COL19A1: variants seen among roughly 807,000 people sequenced by gnomAD.
The protein encoded by COL19A1 is collagen type XIX alpha 1 chain, also known as collagen alpha-1(XIX) chain.
Under a neutral mutation model 190.2 loss-of-function variants are expected in COL19A1, and 159 were observed. That is an observed-to-expected ratio of 0.84 (90% CI 0.73 to 0.95). The LOEUF is 0.95. COL19A1 is among the 40% of genes least tolerant of loss of function. The pLI, the probability that COL19A1 is intolerant of heterozygous loss-of-function variation, is 0.00. For synonymous variants in COL19A1, 509 were observed against 458.9 expected (o/e 1.11, Z -1.39); for missense variants, 1,418 against 1,431.9 (o/e 0.99, Z 0.16).
intron 1 of COL19A1, among the ~76,000 whole-genome samples, chr6:69,873,891 C>T (rs1767980911): frequency 6.6e-6 from 1 of 152,174 alleles, no homozygotes; most frequent in Admixed American, 6.5e-5. Flanking sequence ...ACCTCAGGAT[C>T]CACATATATT....
At chr6:70,077,946 G>A (rs934908202) in intron 15 of COL19A1, among the ~76,000 whole-genome samples, 3 of 152,134 alleles carry the variant, frequency 2.0e-5, no homozygotes, top group African/African-American at 7.2e-5. Flanking sequence ...ATTGAAGGCC[G>A]TTGCTTCACA....
At chr6:69,969,408 AT>A (rs767633502) in intron 11 of COL19A1, among the ~76,000 whole-genome samples, 13 of 151,500 alleles carry the variant, frequency 8.6e-5, no homozygotes, top group African/African-American at 2.4e-4. Flanking sequence ...TAGCTCAGTG[AT>A]TTTTTTTTGT....
intron 2 of COL19A1, among the ~76,000 whole-genome samples, chr6:69,886,404 T>G (rs1261523406): frequency 6.6e-6 from 1 of 152,142 alleles, no homozygotes; most frequent in Non-Finnish European, 1.5e-5. Context: ...GTATAGCCAT[T>G]ATGGAAAACA....
chr6:70,110,625 C>T (rs1460164613), intron 16 of COL19A1, among the ~76,000 whole-genome samples: 2 of 152,128 alleles, frequency 1.3e-5, no homozygotes, highest in Non-Finnish European at 2.9e-5. Flanking sequence ...AATACATAGA[C>T]ATGCATGTGA....
At chr6:69,931,078 T>C (rs1772731312) in intron 6 of COL19A1, among the ~76,000 whole-genome samples, 1 of 152,222 alleles carries the variant, frequency 6.6e-6, no homozygotes, top group East Asian at 1.9e-4. Context: ...GGATTAATTT[T>C]TCATCATCTC....
chr6:70,150,179 ATTTTGTCGAGTG>A, intron 30 of COL19A1, 134 bp downstream of exon 30: 1 of 912,430 alleles, frequency 1.1e-6, no homozygotes, highest in Non-Finnish European at 1.7e-6. Context: ...TATCCCCATT[ATTTTGTCGAGTG>A]AAAAAAAATT....
At chr6:69,919,974 A>G (rs535806455) in intron 4 of COL19A1, among the ~76,000 whole-genome samples, 3 of 152,202 alleles carry the variant, frequency 2.0e-5, no homozygotes, top group African/African-American at 7.2e-5. Context: ...ATTCTCCCTC[A>G]TCTCTGTCCT....
intron 11 of COL19A1, among the ~76,000 whole-genome samples, chr6:69,986,382 G>A (rs1435184929): frequency 6.6e-6 from 1 of 151,850 alleles, no homozygotes; most frequent in African/African-American, 2.4e-5. Context: ...GAAGCATTGG[G>A]TATAAATTAT....
intron 9 of COL19A1, among the ~76,000 whole-genome samples, chr6:69,945,758 C>T (rs914456486): frequency 3.9e-5 from 6 of 151,930 alleles, no homozygotes; most frequent in African/African-American, 1.4e-4. Flanking sequence ...TGTGGGTCTT[C>T]ATCTGAAATT....
At chr6:69,892,408 A>G (rs569702343) in intron 2 of COL19A1, among the ~76,000 whole-genome samples, 1 of 152,384 alleles carries the variant, frequency 6.6e-6, no homozygotes, top group Non-Finnish European at 1.5e-5. Context: ...GTTTTGAAAC[A>G]TGATTTCTCT....
At chr6:70,043,193 CTTTT>C (rs548148887) in intron 14 of COL19A1, among the ~76,000 whole-genome samples, 2 of 145,316 alleles carry the variant, frequency 1.4e-5, no homozygotes, top group Admixed American at 6.9e-5. Context: ...ATTTCTTCTT[CTTTT>C]TTTTTTTTTT....
chr6:69,980,648 C>A (rs148458220), intron 11 of COL19A1, among the ~76,000 whole-genome samples: 2 of 152,102 alleles, frequency 1.3e-5, no homozygotes, highest in African/African-American at 2.4e-5. Flanking sequence ...AACATTTGTA[C>A]GTTCCAAAGA....
At chr6:70,131,661 AG>A (rs1785531327) in intron 18 of COL19A1, among the ~76,000 whole-genome samples, 1 of 151,954 alleles carries the variant, frequency 6.6e-6, no homozygotes, top group African/African-American at 2.4e-5. Context: ...GGACATATGC[AG>A]GCTAAGGGGA....
At chr6:70,101,789 C>T (rs893036569) in intron 15 of COL19A1, among the ~76,000 whole-genome samples, 3 of 152,076 alleles carry the variant, frequency 2.0e-5, no homozygotes, top group Non-Finnish European at 4.4e-5. Context: ...AATTCAGACC[C>T]CTCTTGGACA....
At chr6:70,003,274 A>C (rs955219267) in intron 11 of COL19A1, among the ~76,000 whole-genome samples, 8 of 152,146 alleles carry the variant, frequency 5.3e-5, no homozygotes, top group African/African-American at 1.9e-4. Context: ...TTTGCTGAGG[A>C]GTGTTTTACT....
Position 70,202,929 on chromosome 6 carries a change from G to A in COL19A1, c.3223+3193G>A, listed in dbSNP as rs9454999. Among the ~76,000 whole-genome samples, 1,229 of 152,198 alleles carry A rather than the reference G, an allele frequency of 8.1e-3. 20 individuals carry two copies. Among genetic ancestry groups the A allele is most frequent in the African/African-American group, 0.027 (1,136 of 41,506 alleles). On this transcript the variant is annotated intron_variant, in intron 49 of 50. Transcript: ENST00000620364. ...GCCGTCCCATGGGGTTCTGAGTATT[G>A]GCTTCCTGCTGTGCCTTGAGAGAAC...
intron 8 of COL19A1, 133 bp downstream of exon 8, chr6:69,937,043 G>GTATTTAC: frequency 7.8e-7 from 1 of 1,288,610 alleles, no homozygotes; most frequent in Non-Finnish European, 1.1e-6. Flanking sequence ...AGTTACTGGG[G>GTATTTAC]TGGGTTAAGA....
intron 15 of COL19A1, among the ~76,000 whole-genome samples, chr6:70,088,121 G>A (rs547276769): frequency 5.9e-5 from 9 of 152,072 alleles, no homozygotes; most frequent in Non-Finnish European, 7.4e-5. Context: ...AGTTCATTCC[G>A]TGGCAGCTAC....
At chr6:69,944,706 G>A (rs998093370) in intron 9 of COL19A1, among the ~76,000 whole-genome samples, 1 of 151,898 alleles carries the variant, frequency 6.6e-6, no homozygotes, top group African/African-American at 2.4e-5. Context: ...TACTATGATG[G>A]TTTATTAATA....
Sources: allele counts gnomAD v4.1 joint callset (sites outside exome capture counted in the v4.1 genomes callset), GRCh38; gene constraint gnomAD v4.1.1; transcripts MANE v1.5; gene names NCBI Gene and HGNC (gene_info 2026-07-23, HGNC 2026-07-21).